CD247: variants seen among roughly 807,000 people sequenced by gnomAD.
CD247 encodes CD247 molecule.
Under a neutral mutation model 30.0 loss-of-function variants are expected in CD247, and 13 were observed. The ratio of observed to expected loss-of-function variants is 0.43; its 90% CI spans 0.28 to 0.69. The LOEUF is 0.69. Ranked by LOEUF, CD247 falls within the 30% of genes least tolerant of loss-of-function variation. CD247 has a pLI of 0.16. For missense variants in CD247, 193 were observed against 212.6 expected (o/e 0.91, Z 0.57); for synonymous variants, 72 against 80.0 (o/e 0.90, Z 0.53).
Position 167,465,192 on chromosome 1 carries a change from G to C in CD247, c.59-24425C>G, listed in dbSNP as rs12072450. 3.5e-3 allele frequency among the ~76,000 whole-genome samples: 536 copies of C among 152,186 alleles called. 8 individuals are homozygous for C. The East Asian group carries it at 0.054, about 15-fold the overall frequency. ...ACAAGCCTCATACACAGAGTTGTTG[G>C]AGAAGGCGCCAGCCCCCTCCCCACC... is the stretch of plus-strand genomic sequence containing the variant. On this transcript the variant is annotated intron_variant, in intron 1 of 7. Transcript: ENST00000362089.
intron 1 of CD247, among the ~76,000 whole-genome samples, chr1:167,460,840 T>C (rs1014004294): frequency 6.6e-6 from 1 of 152,186 alleles, no homozygotes; most frequent in African/African-American, 2.4e-5. Flanking sequence ...GAGTTACTCC[T>C]GAGTCTGGGC....
At chr1:167,499,560 C>T (rs1353940763) in intron 1 of CD247, among the ~76,000 whole-genome samples, 1 of 152,114 alleles carries the variant, frequency 6.6e-6, no homozygotes, top group African/African-American at 2.4e-5. Flanking sequence ...CTTAGCCTTT[C>T]TTTGGGTTAA....
chr1:167,463,704 C>A (rs1259286566), intron 1 of CD247, among the ~76,000 whole-genome samples: 2 of 152,124 alleles, frequency 1.3e-5, no homozygotes, highest in East Asian at 3.8e-4. Context: ...AGAAAAAAGA[C>A]CCCATTGTAA....
At chr1:167,451,414 C>A (rs1239801957) in intron 1 of CD247, among the ~76,000 whole-genome samples, 2 of 152,204 alleles carry the variant, frequency 1.3e-5, no homozygotes, top group African/African-American at 2.4e-5. Context: ...CCAGGACAGG[C>A]TTCAAATCAG....
chr1:167,504,321 C>G (rs957432022), intron 1 of CD247, among the ~76,000 whole-genome samples: 3 of 152,262 alleles, frequency 2.0e-5, no homozygotes, highest in Non-Finnish European at 4.4e-5. Flanking sequence ...GCATATCCCT[C>G]TCCTCTAGAA....
Position 167,438,696 on chromosome 1 carries a change from G to A in CD247, c.220-46C>T, listed in dbSNP as rs1313048094. ...TCAGACACAGGACGGAGGAACCTCAGAAGGATGGAGCCAGCTGGACTGGGG... is the reference window on the plus strand; with the variant it reads ...TCAGACACAGGACGGAGGAACCTCAAAAGGATGGAGCCAGCTGGACTGGGG... On this transcript the variant is annotated intron_variant, in intron 3 of 7. Coordinates refer to ENST00000362089, the MANE Select transcript of CD247 (RefSeq NM_198053.3). 3.4e-6 allele frequency: 5 copies of A among 1,455,234 alleles called. No homozygotes were observed. In the Admixed American group the frequency reaches 5.0e-5, roughly 15 times the overall value. 90.1% of individuals were successfully genotyped at this position (1,455,234 alleles called of 1,614,324 possible).
chr1:167,439,139 A>G lies in CD247; in HGVS notation c.219+205T>C, dbSNP rs371831834. Among the ~76,000 whole-genome samples the G allele has an allele frequency of 4.4e-4, 67 of 152,254 alleles. No homozygotes were observed. In the South Asian group the frequency reaches 0.013, roughly 30 times the overall value. ...CATGCATCAAGACATTAAAGCATGT[A>G]ATCTTTATGGCGCCCTTTGAGACAG... On this transcript the variant is annotated intron_variant, in intron 3 of 7. Transcript: ENST00000362089.
chr1:167,461,495 T>G (rs1653003653), intron 1 of CD247, among the ~76,000 whole-genome samples: 1 of 152,250 alleles, frequency 6.6e-6, no homozygotes, highest in South Asian at 2.1e-4. Flanking sequence ...TTAAATTTTC[T>G]TTATGCTTTC....
chr1:167,505,385 A>G (rs558738548), intron 1 of CD247, among the ~76,000 whole-genome samples: 2 of 152,306 alleles, frequency 1.3e-5, no homozygotes, highest in African/African-American at 4.8e-5. Context: ...TTTACTGAAC[A>G]TCTTTATAGA....
intron 1 of CD247, among the ~76,000 whole-genome samples, chr1:167,487,073 CA>C (rs768259910): frequency 3.6e-3 from 371 of 102,550 alleles, no homozygotes; most frequent in Middle Eastern, 8.2e-3. Context: ...GACTCCATTT[CA>C]AAAAAAAAAA....
In CD247 at chr1:167,431,600, C is replaced by T. The variant is rs1000528436; in HGVS notation, c.*81G>A. The T allele has an allele frequency of 1.7e-4, 192 of 1,146,986 alleles. 1 individual carries two copies. The highest frequency in any genetic ancestry group is 2.3e-4 in the Non-Finnish European group (172 of 753,384). The allele number at this position is 1,146,986 out of a possible 1,614,324, so 71.1% of individuals were successfully genotyped here. ...ACTTCAGTGGCTGAGAAGAGTGAACCGGGTTGTAAATGCTTCATCCTGTGT... is the reference window on the plus strand; with the variant it reads ...ACTTCAGTGGCTGAGAAGAGTGAACTGGGTTGTAAATGCTTCATCCTGTGT... On this transcript the variant is annotated 3_prime_UTR_variant, in exon 8 of 8. Coordinates refer to ENST00000362089, the MANE Select transcript of CD247 (RefSeq NM_198053.3).
intron 1 of CD247, among the ~76,000 whole-genome samples, chr1:167,459,164 G>T (rs956114368): frequency 1.3e-5 from 2 of 151,174 alleles, no homozygotes; most frequent in African/African-American, 4.9e-5. Context: ...AAATCATGGG[G>T]AGAATTTATT....
At chr1:167,445,769 A>G (rs760222061) in intron 1 of CD247, among the ~76,000 whole-genome samples, 5 of 152,056 alleles carry the variant, frequency 3.3e-5, no homozygotes, top group Non-Finnish European at 7.4e-5. Flanking sequence ...GTCCTGCCAT[A>G]CCCTGAGGCT....
chr1:167,440,354 C>A, intron 2 of CD247: 1 of 431,016 alleles, frequency 2.3e-6, no homozygotes, highest in South Asian at 2.2e-5. Context: ...AGGACCTCTG[C>A]CTGAGTGTAA....
chr1:167,474,393 A>G (rs1215648153), intron 1 of CD247, among the ~76,000 whole-genome samples: 1 of 152,058 alleles, frequency 6.6e-6, no homozygotes, highest in African/African-American at 2.4e-5. Context: ...AGGGTGGCAG[A>G]GGCACACTTG....
At chr1:167,462,133 G>T (rs999602702) in intron 1 of CD247, among the ~76,000 whole-genome samples, 24 of 152,178 alleles carry the variant, frequency 1.6e-4, no homozygotes, top group African/African-American at 5.1e-4. Flanking sequence ...TGCCCAACCT[G>T]CATGGAGCCC....
intron 1 of CD247, among the ~76,000 whole-genome samples, chr1:167,457,006 C>A (rs918919877): frequency 2.6e-5 from 4 of 152,192 alleles, no homozygotes; most frequent in Non-Finnish European, 5.9e-5. Flanking sequence ...TCTTTCCAGC[C>A]CTGCTTTCTC....
intron 6 of CD247, 27 bp downstream of exon 6, chr1:167,433,993 C>A: frequency 6.2e-7 from 1 of 1,604,884 alleles, no homozygotes; most frequent in Non-Finnish European, 8.5e-7. Flanking sequence ...GGAACTCCCT[C>A]GGAAATTAAG....
In CD247 at chr1:167,487,733, A is replaced by C. The variant is rs530007171; in HGVS notation, c.58+30675T>G. 1.3e-3 allele frequency among the ~76,000 whole-genome samples: 193 copies of C among 152,202 alleles called. 1 individual carries two copies. The highest frequency in any genetic ancestry group is 4.6e-3 in the African/African-American group (190 of 41,540). On this transcript the variant is annotated intron_variant, in intron 1 of 7. Coordinates refer to ENST00000362089, the MANE Select transcript of CD247 (RefSeq NM_198053.3). ...GTGTGGGTCCTACTCCCACCACACT[A>C]CCTTGTTTTTTTCGAGACAGGGTCT...
Sources: allele counts gnomAD v4.1 joint callset (sites outside exome capture counted in the v4.1 genomes callset), GRCh38; gene constraint gnomAD v4.1.1; transcripts MANE v1.5; gene names NCBI Gene and HGNC (gene_info 2026-07-23, HGNC 2026-07-21).